GABRG1: variants seen among roughly 807,000 people sequenced by gnomAD.
GABRG1 encodes the protein gamma-aminobutyric acid type A receptor subunit gamma1, also known as gamma-aminobutyric acid receptor subunit gamma-1.
A neutral mutation model predicts 49.8 loss-of-function variants in GABRG1; 49 were observed. The ratio of observed to expected loss-of-function variants is 0.98; its 90% CI spans 0.78 to 1.25. The LOEUF (loss-of-function observed/expected upper bound fraction) is 1.25. Ranked by LOEUF, GABRG1 falls within the 50% of genes most tolerant of loss-of-function variation. The pLI is 0.00. For synonymous variants in GABRG1, 232 were observed against 185.1 expected, an observed-to-expected ratio of 1.25 and a Z score of -2.06; for missense variants, 552 against 552.3, an observed-to-expected ratio of 1.00 and a Z score of 0.01.
Position 46,123,909 on chromosome 4 carries a change from C to T in GABRG1, c.5G>A (p.Gly2Asp). ...GGAGAAGAGAAAAGCTTTCAAAGGA[C>T]CCATCGGAATCGCTTTTTTACGTGT... M[G>D]PLKAFLFSPF... Residue 2 changes from glycine (G) to aspartate (D), a missense_variant, in exon 1 of 9, where the codon GGT (glycine) becomes GAT (aspartate). Physicochemically the swap from Gly to Asp is moderately conservative, Grantham distance 94 (BLOSUM62 -1). Coordinates refer to ENST00000295452, the MANE Select transcript of GABRG1 (RefSeq NM_173536.4). 1 of 1,613,206 alleles carries T rather than the reference C, an allele frequency of 6.2e-7. No individual in the cohort carries two copies. The highest frequency in any genetic ancestry group is 8.5e-7 in the Non-Finnish European group (1 of 1,179,438).
At chr4:46,104,233 A>T (rs890334883) in intron 1 of GABRG1, among the ~76,000 whole-genome samples, 1 of 151,458 alleles carries the variant, frequency 6.6e-6, no homozygotes, top group Non-Finnish European at 1.5e-5. Context: ...TACTCAAAAC[A>T]TACATAGAGA....
intron 1 of GABRG1, among the ~76,000 whole-genome samples, chr4:46,101,915 A>G (rs1720393568): frequency 6.6e-6 from 1 of 151,660 alleles, no homozygotes; most frequent in South Asian, 2.1e-4. Context: ...TGATGGAAAA[A>G]CAGAATAATG....
intron 1 of GABRG1, among the ~76,000 whole-genome samples, chr4:46,115,606 T>C (rs1244151327): frequency 6.6e-6 from 1 of 150,784 alleles, no homozygotes; most frequent in Non-Finnish European, 1.5e-5. Flanking sequence ...CATCAATGAT[T>C]TTATTTGAGA....
intron 1 of GABRG1, among the ~76,000 whole-genome samples, chr4:46,113,037 C>T (rs1195022617): frequency 6.6e-6 from 1 of 151,162 alleles, no homozygotes; most frequent in Non-Finnish European, 1.5e-5. Context: ...CTTGGCATGA[C>T]TGAAAGCTTC....
chr4:46,106,699 C>T (rs1720558517), intron 1 of GABRG1, among the ~76,000 whole-genome samples: 1 of 151,348 alleles, frequency 6.6e-6, no homozygotes, highest in African/African-American at 2.4e-5. Context: ...CTAACACCTC[C>T]TTTCCTTGTA....
chr4:46,046,638 C>T (rs1486687564), intron 8 of GABRG1, among the ~76,000 whole-genome samples: 1 of 152,006 alleles, frequency 6.6e-6, no homozygotes, highest in African/African-American at 2.4e-5. Context: ...AATCTCTTTG[C>T]TGAAAAGGAG....
chr4:46,049,388 C>T (rs1407729413), intron 8 of GABRG1, among the ~76,000 whole-genome samples: 4 of 151,716 alleles, frequency 2.6e-5, no homozygotes, highest in Non-Finnish European at 5.9e-5. Flanking sequence ...GTTTTTCACT[C>T]AAAATATCAT....
intron 2 of GABRG1, among the ~76,000 whole-genome samples, chr4:46,088,809 GTGTGTT>G (rs1471173386): frequency 9.1e-4 from 132 of 145,372 alleles, no homozygotes; most frequent in Middle Eastern, 3.4e-3. Flanking sequence ...GTGTGTTTGT[GTGTGTT>G]TGTGTGTGTG....
intron 3 of GABRG1, among the ~76,000 whole-genome samples, chr4:46,068,443 C>A (rs1718995676): frequency 6.6e-6 from 1 of 152,042 alleles, no homozygotes; most frequent in Admixed American, 6.6e-5. Context: ...AGCTGCAGGA[C>A]CTTCTTTAAA....
chr4:46,085,310 A>G (rs1299967162), intron 2 of GABRG1, among the ~76,000 whole-genome samples: 1 of 151,538 alleles, frequency 6.6e-6, no homozygotes, highest in African/African-American at 2.4e-5. Flanking sequence ...TATAAGATAA[A>G]CATATACATT....
chr4:46,113,355 G>A (rs1332858619), intron 1 of GABRG1, among the ~76,000 whole-genome samples: 2 of 151,008 alleles, frequency 1.3e-5, no homozygotes, highest in Admixed American at 6.6e-5. Context: ...AGAGAAGGGG[G>A]AAGAGCCCCT....
At chr4:46,075,553 C>G (rs1719295927) in intron 3 of GABRG1, among the ~76,000 whole-genome samples, 2 of 152,050 alleles carry the variant, frequency 1.3e-5, no homozygotes, top group South Asian at 4.1e-4. Flanking sequence ...TCCGAATCCC[C>G]TGGCCTGAGA....
intron 1 of GABRG1, among the ~76,000 whole-genome samples, chr4:46,112,448 C>T (rs1020024982): frequency 1.3e-5 from 2 of 151,270 alleles, no homozygotes; most frequent in African/African-American, 4.8e-5. Context: ...GAACTTAAAA[C>T]AGAACTATCA....
chr4:46,077,315 AT>A (rs1719388070), intron 3 of GABRG1, among the ~76,000 whole-genome samples: 1 of 152,120 alleles, frequency 6.6e-6, no homozygotes, highest in South Asian at 2.1e-4. Flanking sequence ...GCAATAAAAT[AT>A]TTTTAAAAAA....
At chr4:46,046,420 T>C (rs1718001626) in intron 8 of GABRG1, among the ~76,000 whole-genome samples, 1 of 152,120 alleles carries the variant, frequency 6.6e-6, no homozygotes. Context: ...CACCATGCAC[T>C]GACTCTTTAC....
chr4:46,101,500 A>T (rs939110936), intron 1 of GABRG1, among the ~76,000 whole-genome samples: 1 of 151,638 alleles, frequency 6.6e-6, no homozygotes, highest in Non-Finnish European at 1.5e-5. Context: ...TATATGACAA[A>T]AAAAGCACTG....
intron 1 of GABRG1, among the ~76,000 whole-genome samples, chr4:46,103,009 A>G (rs1334107120): frequency 6.7e-6 from 1 of 149,166 alleles, no homozygotes; most frequent in Non-Finnish European, 1.5e-5. Flanking sequence ...TGTTGCCCCA[A>G]AATGATTTTT....
chr4:46,106,580 G>A (rs562885165), intron 1 of GABRG1, among the ~76,000 whole-genome samples: 5 of 151,470 alleles, frequency 3.3e-5, no homozygotes, highest in South Asian at 2.1e-4. Flanking sequence ...GTACATAAAC[G>A]CTCATAGCTT....
intron 1 of GABRG1, among the ~76,000 whole-genome samples, chr4:46,101,728 CT>C (rs1264010005): frequency 6.6e-6 from 1 of 151,548 alleles, no homozygotes; most frequent in Non-Finnish European, 1.5e-5. Context: ...GATTATATAA[CT>C]TTTTTAACAA....
Sources: gnomAD v4.1 joint callset for allele counts (sites outside exome capture counted in the v4.1 genomes callset) on GRCh38, gnomAD v4.1.1 for gene constraint, MANE v1.5 for transcripts, NCBI Gene and HGNC (gene_info 2026-07-23, HGNC 2026-07-21) for gene names.